The following VWF variants were observed in gnomAD, a reference collection of about 807,000 sequenced individuals.
The protein encoded by VWF is von Willebrand factor.
A neutral mutation model predicts 308.6 loss-of-function variants in VWF; 176 were observed. That is an observed-to-expected ratio of 0.57 (90% CI 0.50 to 0.65). The LOEUF (loss-of-function observed/expected upper bound fraction) is 0.65, where lower values mean the gene tolerates loss of function less well. Among genes scored for constraint, VWF ranks in the 30% least tolerant of loss-of-function variants. The probability of loss-of-function intolerance (pLI) is 0.00; values close to 1 mark genes in which losing one functional copy is unlikely to be tolerated. For missense variants in VWF, 3,146 were observed against 3,648.2 expected, an observed-to-expected ratio of 0.86 and a Z score of 3.55; for synonymous variants, 1,385 against 1,443.4, an observed-to-expected ratio of 0.96 and a Z score of 0.92.
intron 38 of VWF, among the ~76,000 whole-genome samples, 170 bp from the exon 39 acceptor site, chr12:5,985,835 A>C (rs747262677): frequency 2.0e-5 from 3 of 152,210 alleles, no homozygotes; most frequent in Non-Finnish European, 4.4e-5. Flanking sequence ...GTGAGGTTCT[A>C]ATGGCTTTCA....
chr12:5,949,821 T>C lies in VWF; in HGVS notation c.8218A>G (p.Lys2740Glu). The C allele has an allele frequency of 1.2e-6, 2 of 1,614,170 alleles. No homozygotes were observed. The highest frequency in any genetic ancestry group is 1.7e-6 in the Non-Finnish European group (2 of 1,180,036). Residue 2740 changes from lysine (K) to glutamate (E), a missense_variant, in exon 51 of 52, where the codon AAG becomes GAG. Physicochemically the swap from Lys to Glu is moderately conservative, Grantham distance 56. Transcript: ENST00000261405. ...TGGATATCCACCTCTACTTCAGACT[T>C]ACAGCTTCCCACCTTGACATACTGC... ...RLQYVKVGSC[K>E]SEVEVDIHYC...
Position 6,057,934 on chromosome 12 carries a change from G to C in VWF, c.1644C>G (p.Asp548Glu). ...PSGLAEPRVE[D>E]FGNAWKLHGD... ...CGTGCAGCTTCCAGGCGTTCCCGAA[G>C]TCCTCCACCCGGGGCTCCGCCAGCC... Residue 548 changes from aspartate (D) to glutamate (E), a missense_variant, in exon 14 of 52, where the codon GAC becomes GAG. Coordinates refer to ENST00000261405, the MANE Select transcript of VWF (RefSeq NM_000552.5). 1 of 1,613,722 alleles carries C rather than the reference G, an allele frequency of 6.2e-7. No individual in the cohort carries two copies. The highest frequency in any genetic ancestry group is 8.5e-7 in the Non-Finnish European group (1 of 1,180,004).
chr12:6,056,863 G>A lies in VWF; in HGVS notation c.1939C>T (p.Arg647Cys), dbSNP rs976240876. 6.9e-6 allele frequency: 10 copies of A among 1,448,968 alleles called. No individual in the cohort carries two copies. The highest frequency in any genetic ancestry group is 9.0e-6 in the Non-Finnish European group (10 of 1,110,926). 89.8% of individuals were successfully genotyped at this position (1,448,968 alleles called of 1,614,324 possible). A position where few individuals can be genotyped will look rare whatever the true frequency, so the allele number is the denominator to read the frequency against. ...GGGCAGGGAGGGCACGCACCACAGC[G>A]GCCTGGCTCGCGCCACGCGACGCGC... ...GVRVAWREPG[R>C]CELNCPKGQV... is the part of the protein sequence containing the mutation. Residue 647 changes from arginine to cysteine, a missense_variant, in exon 15 of 52, where the codon CGC becomes TGC. This residue lies in a region of VWF where 1,304 missense variants were observed against 1,353.0 expected (regional missense o/e 0.96). Transcript: ENST00000261405.
At chr12:6,086,434 T>C (rs562442832) in intron 6 of VWF, among the ~76,000 whole-genome samples, 3 of 152,292 alleles carry the variant, frequency 2.0e-5, no homozygotes, top group South Asian at 2.1e-4. Context: ...CTAACTTCTC[T>C]GGGATCCTGC....
intron 14 of VWF, 34 bp downstream of exon 14, chr12:6,057,815 G>A (rs751157628): frequency 1.9e-6 from 3 of 1,577,962 alleles, no homozygotes; most frequent in East Asian, 2.2e-5. Flanking sequence ...TCGAGATTCT[G>A]CGAGGTCCCT....
chr12:5,994,561 T>C lies in VWF; in HGVS notation c.6110A>G (p.Asn2037Ser), dbSNP rs1192524399. ...RLVSVPYVGG[N>S]MEVNVYGAIM... is the part of the protein sequence containing the mutation. ...GGCACCATAAACGTTGACTTCCATG[T>C]TCCCACCCACGTAAGGAACAGAGAC... Residue 2037 changes from asparagine to serine, a missense_variant, in exon 36 of 52, where the codon AAC becomes AGC. This residue lies in a region of VWF where 989 missense variants were observed against 1,117.4 expected (regional missense o/e 0.89). Coordinates refer to ENST00000261405, the MANE Select transcript of VWF (RefSeq NM_000552.5). 6.2e-7 allele frequency: 1 copy of C among 1,613,880 alleles called. No homozygotes were observed. The highest frequency in any genetic ancestry group is 2.2e-5 in the East Asian group (1 of 44,896).
At chr12:5,971,850 G>C in intron 43 of VWF, 141 bp from the exon 44 acceptor site, 1 of 755,356 alleles carries the variant, frequency 1.3e-6, no homozygotes, top group East Asian at 2.7e-5. Flanking sequence ...TTGTCAACCA[G>C]CCTCAGGGCC....
At chr12:6,031,695 T>C (rs1944265637) in intron 20 of VWF, 117 bp from the exon 21 acceptor site, 3 of 1,520,100 alleles carry the variant, frequency 2.0e-6, no homozygotes, top group Non-Finnish European at 2.7e-6. Flanking sequence ...TCTTGCCACG[T>C]CCATGGCTGC....
intron 14 of VWF, 137 bp downstream of exon 14, chr12:6,057,711 TA>T: frequency 9.5e-7 from 1 of 1,054,738 alleles, no homozygotes; most frequent in Non-Finnish European, 1.3e-6. Context: ...GTGCTGACGG[TA>T]AAAACAAAGC....
In VWF at chr12:6,016,827, G is replaced by A. The variant is rs1481373031; in HGVS notation, c.5097C>T (p.Ser1699=). ...CAAAATAAGAAGCTGGGAAACTGGAGGAGCCATCCAGGAGAAGGATCACGT... is the reference window on the plus strand; with the variant it reads ...CAAAATAAGAAGCTGGGAAACTGGAAGAGCCATCCAGGAGAAGGATCACGT... ...PLDVILLLDG[S]SSFPASYFDE... The change falls in exon 29 of 52, where the codon TCC becomes TCT. Residue 1699 remains serine, a synonymous_variant. Coordinates refer to ENST00000261405, the MANE Select transcript of VWF (RefSeq NM_000552.5). The A allele has an allele frequency of 6.2e-7, 1 of 1,614,104 alleles. No individual in the cohort carries two copies. Among genetic ancestry groups the A allele is most frequent in the East Asian group, 2.2e-5 (1 of 44,884 alleles).
At chr12:6,076,593 A>G (rs528413198) in intron 6 of VWF, among the ~76,000 whole-genome samples, 1 of 152,344 alleles carries the variant, frequency 6.6e-6, no homozygotes, top group African/African-American at 2.4e-5. Flanking sequence ...CTGCAAGTTC[A>G]TGAAAAAACT....
chr12:6,012,464 C>G (rs905208982), intron 32 of VWF, among the ~76,000 whole-genome samples: 4 of 152,340 alleles, frequency 2.6e-5, no homozygotes, highest in Admixed American at 6.5e-5. Flanking sequence ...TCCTGGAAAC[C>G]TGAAAGAGAT....
Position 6,065,159 on chromosome 12 carries a change from GAGA to G in VWF, c.1268_1270del (p.Phe423del). 3.1e-6 allele frequency: 5 copies of G among 1,614,222 alleles called. No individual in the cohort carries two copies. The highest frequency in any genetic ancestry group is 4.2e-6 in the Non-Finnish European group (5 of 1,180,052). ...CACCTGGACAGTCTCAATGACAATG[GAGA>G]AGGAGTGGTCCTGGCAATCCCGGGC... is the stretch of plus-strand genomic sequence containing the variant. On this transcript the variant is annotated inframe_deletion, in exon 11 of 52. Transcript: ENST00000261405.
chr12:6,080,873 T>C (rs1253043514), intron 6 of VWF, among the ~76,000 whole-genome samples: 2 of 152,204 alleles, frequency 1.3e-5, no homozygotes, highest in Non-Finnish European at 2.9e-5. Context: ...TCACTCCCCC[T>C]AGGTTATGCC....
chr12:6,114,811 C>T (rs540621689), intron 3 of VWF, among the ~76,000 whole-genome samples: 6 of 152,254 alleles, frequency 3.9e-5, no homozygotes, highest in Admixed American at 6.5e-5. Flanking sequence ...CTTCACCTAC[C>T]GCAGGAACTG....
In VWF at chr12:6,095,439, C is replaced by CCCAG. The variant is rs1565387762; in HGVS notation, c.657+17_657+20dup. 6 of 1,613,980 alleles carry CCCAG rather than the reference C, an allele frequency of 3.7e-6. No individual in the cohort carries two copies. The East Asian group carries it at 1.3e-4, about 36-fold the overall frequency. Reference sequence around the variant, plus strand: ...AGAAATCACACACCATCCAGGTGCACCCAGGCCAGTCCACACCCACCTTCT... The same window carrying CCCAG: ...AGAAATCACACACCATCCAGGTGCACCCAGCCAGGCCAGTCCACACCCACCTTCT... On this transcript the variant is annotated intron_variant, in intron 6 of 51. Transcript: ENST00000261405.
rs1944445413 is a variant in VWF at position 6,046,261 on chromosome 12, G to A, written c.2281+462C>T. On this transcript the variant is annotated intron_variant, in intron 17 of 51. Transcript: ENST00000261405. This position sits in a 1 kb window ranked among gnomAD's most constrained non-coding sequence, Gnocchi z 5.0. ...GCAGCCACCGTTAGGACCTTCGAATGGAGAGCAACGGACCCAACCCTTCTC... is the reference window on the plus strand; with the variant it reads ...GCAGCCACCGTTAGGACCTTCGAATAGAGAGCAACGGACCCAACCCTTCTC... Among the ~76,000 whole-genome samples, 1 of 152,022 alleles carries A rather than the reference G, an allele frequency of 6.6e-6. No individual in the cohort carries two copies. The highest frequency in any genetic ancestry group is 1.5e-5 in the Non-Finnish European group (1 of 67,992).
intron 16 of VWF, among the ~76,000 whole-genome samples, chr12:6,050,284 C>T (rs1312059600): frequency 2.6e-5 from 4 of 152,180 alleles, no homozygotes; most frequent in Admixed American, 6.5e-5. Context: ...GCTTTCCCAG[C>T]GTCTCTGGCT....
intron 5 of VWF, among the ~76,000 whole-genome samples, chr12:6,097,445 GACAAAACAAA>G (rs532257459): frequency 2.6e-5 from 4 of 151,774 alleles, no homozygotes; most frequent in Non-Finnish European, 5.9e-5. Context: ...CAAAACAAAA[GACAAAACAAA>G]ACAAAACAAA....
Sources: gnomAD v4.1 joint callset for allele counts (sites outside exome capture counted in the v4.1 genomes callset) on GRCh38, gnomAD v4.1.1 for gene constraint, gnomAD v4.1.1 regional missense constraint, Gnocchi (gnomAD v3.1) non-coding constraint, MANE v1.5 for transcripts, NCBI Gene and HGNC (gene_info 2026-07-23, HGNC 2026-07-21) for gene names.